NUDT16L1: variants seen among roughly 807,000 people sequenced by gnomAD.
NUDT16L1 encodes the protein nudix hydrolase 16 like 1.
Under a neutral mutation model 17.3 loss-of-function variants are expected in NUDT16L1, and 19 were observed. That is an observed-to-expected ratio of 1.10 (90% CI 0.77 to 1.61). The LOEUF (loss-of-function observed/expected upper bound fraction) is 1.61, where lower values mean the gene tolerates loss of function less well. NUDT16L1 is among the 40% of genes most tolerant of loss of function. NUDT16L1 has a pLI of 0.00. For synonymous variants in NUDT16L1, 255 were observed against 138.6 expected, an observed-to-expected ratio of 1.84 and a Z score of -5.90; for missense variants, 341 against 292.0, an observed-to-expected ratio of 1.17 and a Z score of -1.22.
At chr16:4,693,995 C>T (rs948519715) in exon 2 of NUDT16L1, 15 of 1,579,200 alleles carry the variant, frequency 9.5e-6, no homozygotes, top group Admixed American at 8.8e-5. Context: ...TGCGTTTCGA[C>T]GGGCTGCTGG....
intron 2 of NUDT16L1, chr16:4,694,577 G>C (rs1027555579): frequency 3.5e-6 from 5 of 1,444,150 alleles, no homozygotes; most frequent in South Asian, 2.8e-5. Context: ...GAGCACAGCG[G>C]GGGTTGTAAA....
chr16:4,694,743 T>C (rs1157384670), intron 2 of NUDT16L1: 4 of 1,365,790 alleles, frequency 2.9e-6, no homozygotes, highest in Non-Finnish European at 2.8e-6. Context: ...GGGGGGGGAG[T>C]GCATGGGGTC....
chr16:4,693,705 CG>C, exon 1 of NUDT16L1: 1 of 1,476,958 alleles, frequency 6.8e-7, no homozygotes, highest in Admixed American at 2.4e-5. Context: ...GTGGCAGCGG[CG>C]GGGACGGGGT....
intron 2 of NUDT16L1, chr16:4,694,733 G>A (rs926709367): frequency 5.0e-5 from 70 of 1,402,838 alleles, no homozygotes; most frequent in Middle Eastern, 5.0e-4. Context: ...CTGGGTACGA[G>A]GGGGGGGAGT....
chr16:4,695,157 A>G (rs937032530), exon 3 of NUDT16L1: 1 of 1,612,482 alleles, frequency 6.2e-7, no homozygotes, highest in African/African-American at 1.3e-5. Flanking sequence ...GCCCTGGAGA[A>G]GTTGCTCCCG....
exon 3 of NUDT16L1, chr16:4,695,715 C>T (rs2079527644): frequency 5.0e-6 from 2 of 401,822 alleles, no homozygotes; most frequent in Non-Finnish European, 8.8e-6. Flanking sequence ...CACGTGTGAA[C>T]TGTGGGTGAG....
chr16:4,695,131 C>A, exon 3 of NUDT16L1: 1 of 1,613,228 alleles, frequency 6.2e-7, no homozygotes, highest in South Asian at 1.1e-5. Flanking sequence ...CTGCAGCCAC[C>A]GAGAAGCAGA....
In NUDT16L1 at chr16:4,695,540, A is replaced by T. The variant is rs115932903; in HGVS notation, c.*361A>T. ...GGCGCACAGCTCTGGGACCACTCAGAAGATGGGATGTGTGGGTGGAGGATG... is the reference window on the plus strand; with the variant it reads ...GGCGCACAGCTCTGGGACCACTCAGTAGATGGGATGTGTGGGTGGAGGATG... On this transcript the variant is annotated 3_prime_UTR_variant, in exon 3 of 3. Coordinates refer to ENST00000304301, the Ensembl canonical transcript of NUDT16L1. The T allele has an allele frequency of 1.7e-3, 784 of 465,686 alleles. 5 individuals carry two copies. The highest frequency in any genetic ancestry group is 0.014 in the African/African-American group (722 of 50,832). 28.8% of individuals were successfully genotyped at this position (465,686 alleles called of 1,614,324 possible).
chr16:4,694,670 C>G, intron 2 of NUDT16L1: 1 of 1,389,446 alleles, frequency 7.2e-7, no homozygotes, highest in East Asian at 2.7e-5. Flanking sequence ...GGTGTTCAGG[C>G]TTCGTTGGGT....
At chr16:4,695,252 G>GTGTT (rs1361317157) in exon 3 of NUDT16L1, 12 of 1,466,342 alleles carry the variant, frequency 8.2e-6, no homozygotes, top group Middle Eastern at 2.3e-4. Flanking sequence ...GGCTTCTAGA[G>GTGTT]TGTTTGTGTG....
exon 3 of NUDT16L1, chr16:4,695,119 G>A (rs749542635): frequency 6.2e-7 from 1 of 1,612,596 alleles, no homozygotes; most frequent in Non-Finnish European, 8.5e-7. Context: ...TTGAGGCCCT[G>A]GCTGCAGCCA....
intron 2 of NUDT16L1, chr16:4,694,717 G>T: frequency 7.0e-7 from 1 of 1,424,944 alleles, no homozygotes; most frequent in Non-Finnish European, 9.1e-7. Flanking sequence ...CCCGGGGTGG[G>T]GTGGCCTGGG....
At position 4,694,019 on chromosome 16, in the gene NUDT16L1, C is replaced by T. The variant is rs898910015; in HGVS notation, c.195C>T (p.Gly65=). 2.0e-5 allele frequency: 31 copies of T among 1,584,378 alleles called. 1 individual carries two copies. The highest frequency in any genetic ancestry group is 2.8e-5 in the African/African-American group (2 of 71,402). Residue 65 remains glycine, a synonymous_variant, in exon 2 of 3, where the codon GGC becomes GGT. Transcript: ENST00000304301. Reference sequence around the variant, plus strand: ...ACGGGCTGCTGGGCTTCCCCGGGGGCTTCGTGGACCGGCGCTTCTGGTCGC... The same window carrying T: ...ACGGGCTGCTGGGCTTCCCCGGGGGTTTCGTGGACCGGCGCTTCTGGTCGC...
At chr16:4,695,272 TCTGACTGCCTAGGGCGAGTGGGCATC>T in exon 3 of NUDT16L1, 1 of 1,301,796 alleles carries the variant, frequency 7.7e-7, no homozygotes, top group African/African-American at 1.5e-5. Context: ...GTACCCCGCT[TCTGACTGCCTAGGGCGAGTGGGCATC>T]CTGTCATCAT....
At chr16:4,694,495 G>A in intron 2 of NUDT16L1, 1 of 1,517,966 alleles carries the variant, frequency 6.6e-7, no homozygotes, top group Non-Finnish European at 8.8e-7. Flanking sequence ...AATCCTGGGA[G>A]TGGGGGAGTG....
At chr16:4,693,717 C>A in exon 1 of NUDT16L1, 2 of 1,499,548 alleles carry the variant, frequency 1.3e-6, no homozygotes, top group Non-Finnish European at 1.8e-6. Context: ...GGGACGGGGT[C>A]AGTGCCAAGA....
Position 4,693,886 on chromosome 16 carries a change from A to ACAGGCGAGGGCG in NUDT16L1, c.153+8_153+9insAGGCGAGGGCGC. The ACAGGCGAGGGCG allele has an allele frequency of 6.6e-7, 1 of 1,514,490 alleles. No individual in the cohort carries two copies. Among genetic ancestry groups the ACAGGCGAGGGCG allele is most frequent in the East Asian group, 2.8e-5 (1 of 36,056 alleles). 93.8% of individuals were successfully genotyped at this position (1,514,490 alleles called of 1,614,324 possible). On this transcript the variant is annotated splice_region_variant and intron_variant, in intron 1 of 2. Coordinates refer to ENST00000304301, the Ensembl canonical transcript of NUDT16L1. ...CATGCGCTTCTCGGTGCTGGTGAGG[A>ACAGGCGAGGGCG]CGGGCGAGGGCGCGGGCGAGGGTGC...
rs1424679476 is a variant in NUDT16L1, at chr16:4,694,337, C to T, written c.414+99C>T. On this transcript the variant is annotated intron_variant, in intron 2 of 2. Coordinates refer to ENST00000304301, the Ensembl canonical transcript of NUDT16L1. ...ACACGTCTCCTGAGGGTCCCCTGGC[C>T]GGGCTGGGTCGGGTGTCGCTGTCTC... The T allele has an allele frequency of 1.6e-5, 20 of 1,226,620 alleles. No homozygotes were observed. The East Asian group carries it at 1.1e-3, about 66-fold the overall frequency. The allele number at this position is 1,226,620 out of a possible 1,614,324, so 76.0% of individuals were successfully genotyped here. A position where few individuals can be genotyped will look rare whatever the true frequency, so the allele number is the denominator to read the frequency against.
chr16:4,693,589 C>T (rs2079473135), upstream of NUDT16L1: 2 of 1,011,396 alleles, frequency 2.0e-6, no homozygotes, highest in South Asian at 3.4e-5. Flanking sequence ...CTGCGAGGGG[C>T]TCGGTCCCGG....
Sources: gnomAD v4.1 joint callset for allele counts on GRCh38, gnomAD v4.1.1 for gene constraint, MANE v1.5 for transcripts, NCBI Gene and HGNC (gene_info 2026-07-23, HGNC 2026-07-21) for gene names.